Variants in TENM3 observed in about 807,000 individuals in gnomAD.
TENM3 encodes the protein teneurin transmembrane protein 3, also known as teneurin-3.
TENM3 carries 63 observed loss-of-function variants against 255.1 expected under a neutral mutation model. The observed-to-expected ratio is 0.25, with a 90% CI of 0.20 to 0.30. The LOEUF (loss-of-function observed/expected upper bound fraction) is 0.30. TENM3 is among the 10% of genes least tolerant of loss of function. The pLI, the probability that TENM3 is intolerant of heterozygous loss-of-function variation, is 1.00. For synonymous variants in TENM3, 1,306 were observed against 1,322.3 expected (o/e 0.99, Z 0.27); for missense variants, 2,929 against 3,461.1 (o/e 0.85, Z 3.86).
chr4:182,473,631 C>G (rs1733377121), intron 3 of TENM3, among the ~76,000 whole-genome samples: 1 of 152,056 alleles, frequency 6.6e-6, no homozygotes, highest in Non-Finnish European at 1.5e-5. Context: ...CGAGATCGCG[C>G]CGCTGCACTC....
the TENM3 span, among the ~76,000 whole-genome samples, chr4:181,809,354 G>A: frequency 6.6e-6 from 1 of 152,138 alleles, no homozygotes; most frequent in African/African-American, 2.4e-5. Flanking sequence ...TTGACCATAG[G>A]CCATGAGTAA....
chr4:182,751,833 G>T lies in TENM3; in HGVS notation c.3663G>T (p.Thr1221=). ...SNPAHRYYLA[T]DPVTGDLYVS... ...CAGCTCATAGATACTACCTTGCAAC[G>T]GATCCAGTCACGGGAGATCTGTACG... Residue 1221 remains threonine, a synonymous_variant, in exon 20 of 28, where the codon ACG becomes ACT. Coordinates refer to ENST00000511685, the MANE Select transcript of TENM3 (RefSeq NM_001080477.4). The T allele has an allele frequency of 6.2e-7, 1 of 1,613,786 alleles. No individual in the cohort carries two copies. Among genetic ancestry groups the T allele is most frequent in the South Asian group, 1.1e-5 (1 of 91,072 alleles).
the TENM3 span, among the ~76,000 whole-genome samples, chr4:181,675,721 G>C: frequency 1.2e-4 from 18 of 152,144 alleles, no homozygotes; most frequent in Admixed American, 1.2e-3. Context: ...AATTATCATT[G>C]CTCTACCGTT....
At chr4:181,921,238 A>G in the TENM3 span, among the ~76,000 whole-genome samples, 3 of 152,114 alleles carry the variant, frequency 2.0e-5, no homozygotes, top group African/African-American at 7.2e-5. Context: ...GTTCCATATG[A>G]ACTTTAAAAT....
At chr4:182,103,907 G>A in the TENM3 span, among the ~76,000 whole-genome samples, 1 of 152,104 alleles carries the variant, frequency 6.6e-6, no homozygotes. Context: ...TTATTTTATC[G>A]GGTGTTCTTT....
intron 3 of TENM3, among the ~76,000 whole-genome samples, chr4:182,592,122 TTTC>T (rs1160438793): frequency 2.0e-4 from 26 of 128,900 alleles, no homozygotes; most frequent in Middle Eastern, 4.0e-3. Context: ...CCACCTTTCT[TTTC>T]TTCTTTTTTT....
the TENM3 span, among the ~76,000 whole-genome samples, chr4:181,799,345 T>C: frequency 6.6e-6 from 1 of 152,238 alleles, no homozygotes; most frequent in East Asian, 1.9e-4. Context: ...CAATGTAGAA[T>C]ATAATGTCAA....
At chr4:181,718,502 C>G in the TENM3 span, among the ~76,000 whole-genome samples, 264 of 152,234 alleles carry the variant, frequency 1.7e-3, 1 homozygote, top group Non-Finnish European at 3.3e-3. Context: ...GGATTTTAGC[C>G]TAATTTGCTA....
chr4:182,733,876 T>C (rs1033975486), intron 16 of TENM3, among the ~76,000 whole-genome samples: 1 of 152,206 alleles, frequency 6.6e-6, no homozygotes, highest in African/African-American at 2.4e-5. Flanking sequence ...CTAGAGTCAG[T>C]ATCTGTCTGT....
chr4:181,559,646 T>A, the TENM3 span, among the ~76,000 whole-genome samples: 3 of 152,238 alleles, frequency 2.0e-5, no homozygotes, highest in Non-Finnish European at 2.9e-5. Flanking sequence ...TCAAGAAGCA[T>A]TAGCTATTAC....
the TENM3 span, among the ~76,000 whole-genome samples, chr4:181,923,620 A>G: frequency 1.3e-5 from 2 of 152,190 alleles, no homozygotes; most frequent in Non-Finnish European, 2.9e-5. Flanking sequence ...ATGTAAACAA[A>G]CATATTAAAC....
the TENM3 span, among the ~76,000 whole-genome samples, chr4:181,804,053 AAGG>A: frequency 1.8e-5 from 1 of 56,734 alleles, no homozygotes; most frequent in African/African-American, 5.2e-5. Context: ...GGAAGGGAGG[AAGG>A]AGAGAAAGAG....
the TENM3 span, among the ~76,000 whole-genome samples, chr4:181,710,526 G>A: frequency 6.6e-6 from 1 of 151,984 alleles, no homozygotes; most frequent in Non-Finnish European, 1.5e-5. Context: ...GACCATCCTG[G>A]ACAACATGAT....
At chr4:182,783,989 C>A (rs1045144979) in intron 24 of TENM3, among the ~76,000 whole-genome samples, 9 of 152,164 alleles carry the variant, frequency 5.9e-5, no homozygotes, top group Non-Finnish European at 1.2e-4. Flanking sequence ...AACTTCTTTG[C>A]CTTTGGTTTG....
chr4:182,247,438 G>A (rs992269970), intron 1 of TENM3, among the ~76,000 whole-genome samples: 2 of 152,152 alleles, frequency 1.3e-5, no homozygotes, highest in African/African-American at 4.8e-5. Context: ...CATGGCTAAG[G>A]CAGAACTCAC....
chr4:182,148,932 T>A (rs552422273), intron 1 of TENM3, among the ~76,000 whole-genome samples: 37 of 152,142 alleles, frequency 2.4e-4, no homozygotes, highest in African/African-American at 8.4e-4. Flanking sequence ...GAATATAAGA[T>A]TAATATAGAT....
intron 1 of TENM3, among the ~76,000 whole-genome samples, chr4:182,161,119 A>G (rs1286900703): frequency 7.4e-5 from 11 of 149,496 alleles, no homozygotes; most frequent in African/African-American, 2.7e-4. Context: ...TCTCTAGTAA[A>G]AATACAAAAA....
rs1007211708 is a variant in TENM3 at position 182,793,941 on chromosome 4, C to A, written c.7213+56C>A. 1.4e-6 allele frequency: 2 copies of A among 1,434,986 alleles called. No individual in the cohort carries two copies. The highest frequency in any genetic ancestry group is 2.3e-5 in the East Asian group (1 of 43,140). 88.9% of individuals were successfully genotyped at this position (1,434,986 alleles called of 1,614,324 possible). A position where few individuals can be genotyped will look rare whatever the true frequency, so the allele number is the denominator to read the frequency against. ...GAGGACTACCATCATTAGATTAATA[C>A]ACAAAATAACTGGAAATGCTTTTTT... On this transcript the variant is annotated intron_variant, in intron 26 of 27. Transcript: ENST00000511685. The surrounding 1 kb of genome is among the most constrained non-coding windows in gnomAD (Gnocchi z 5.7).
At chr4:182,567,428 C>T (rs1417244772) in intron 3 of TENM3, among the ~76,000 whole-genome samples, 1 of 152,164 alleles carries the variant, frequency 6.6e-6, no homozygotes, top group Non-Finnish European at 1.5e-5. Context: ...TTCAGTGTGT[C>T]ACTGGGTCCT....
Sources: allele counts gnomAD v4.1 joint callset (sites outside exome capture counted in the v4.1 genomes callset), GRCh38; gene constraint gnomAD v4.1.1; non-coding constraint Gnocchi (gnomAD v3.1); transcripts MANE v1.5; gene names NCBI Gene and HGNC (gene_info 2026-07-23, HGNC 2026-07-21).